The following ZC3H12B variants were observed in gnomAD, a reference collection of about 807,000 sequenced individuals.
ZC3H12B encodes probable ribonuclease ZC3H12B.
Under a neutral mutation model 43.9 loss-of-function variants are expected in ZC3H12B, and 7 were observed. The observed-to-expected ratio is 0.16, with a 90% CI of 0.09 to 0.30. The LOEUF is 0.30. Among genes scored for constraint, ZC3H12B ranks in the 10% least tolerant of loss-of-function variants. The pLI, the probability that ZC3H12B is intolerant of heterozygous loss-of-function variation, is 1.00. For synonymous variants in ZC3H12B, 222 were observed against 241.7 expected (o/e 0.92, Z 0.76); for missense variants, 475 against 670.2 (o/e 0.71, Z 3.22).
At chrX:65,212,370 C>T in the ZC3H12B span, among the ~76,000 whole-genome samples, 233 of 35,455 alleles carry the variant, frequency 6.6e-3, 5 homozygotes, top group African/African-American at 0.026. Flanking sequence ...ATTTATATTA[C>T]ATATTGTATA....
chrX:65,326,209 A>G, the ZC3H12B span, among the ~76,000 whole-genome samples: 1 of 112,064 alleles, frequency 8.9e-6, no homozygotes, highest in Admixed American at 9.5e-5. Context: ...AAAGGAAACA[A>G]ATGGTACAGT....
At chrX:65,435,668 A>AGATAGAT (rs2067212067) in intron 3 of ZC3H12B, among the ~76,000 whole-genome samples, 1 of 109,899 alleles carries the variant, frequency 9.1e-6, no homozygotes, top group South Asian at 3.9e-4. Flanking sequence ...ATAGATAGAT[A>AGATAGAT]GATAGATAGA....
the ZC3H12B span, among the ~76,000 whole-genome samples, chrX:65,131,900 G>A: frequency 9.0e-6 from 1 of 111,364 alleles, no homozygotes; most frequent in African/African-American, 3.3e-5. Flanking sequence ...ATTCAAAGGA[G>A]GGTCTATAAA....
At chrX:65,458,089 A>T (rs867703343) in intron 3 of ZC3H12B, among the ~76,000 whole-genome samples, 4 of 88,943 alleles carry the variant, frequency 4.5e-5, no homozygotes, top group African/African-American at 2.6e-4. Context: ...AAAAATTAAA[A>T]AAAAAAAAAA....
the ZC3H12B span, among the ~76,000 whole-genome samples, chrX:65,110,892 CT>C: frequency 9.0e-6 from 1 of 111,176 alleles, no homozygotes; most frequent in Non-Finnish European, 1.9e-5. Flanking sequence ...TAGATCTCCC[CT>C]AATACTTTTT....
chrX:65,412,827 TTC>T (rs1375746563), intron 3 of ZC3H12B, among the ~76,000 whole-genome samples: 2 of 99,617 alleles, frequency 2.0e-5, no homozygotes, highest in South Asian at 3.7e-4. Context: ...TTTATGTAAA[TTC>T]TGTTTTGTTT....
At chrX:65,374,063 A>AG (rs1196369305) in intron 2 of ZC3H12B, among the ~76,000 whole-genome samples, 1 of 59,628 alleles carries the variant, frequency 1.7e-5, no homozygotes, top group African/African-American at 1.1e-4. Flanking sequence ...AACTATATAT[A>AG]TACAGTATAT....
At chrX:65,379,104 C>T (rs1357365320) in intron 2 of ZC3H12B, among the ~76,000 whole-genome samples, 4 of 112,124 alleles carry the variant, frequency 3.6e-5, no homozygotes, top group Non-Finnish European at 7.5e-5. Context: ...GTGGAGCCTG[C>T]CACAGCTCAA....
At position 65,475,523 on chromosome X, in the gene ZC3H12B, A is replaced by G. The variant is rs181569917; in HGVS notation, n.408-13123A>G. Among the ~76,000 whole-genome samples the G allele has an allele frequency of 2.7e-5, 3 of 111,060 alleles. No homozygotes were observed. The East Asian group carries it at 8.4e-4, about 31-fold the overall frequency. On this transcript the variant is annotated intron_variant and non_coding_transcript_variant, in intron 3 of 5. Coordinates refer to the ZC3H12B transcript ENST00000617377. ...GATTTCTGTTGAGAAATCCACTGATAGTCTTACAAGGATCCCTTACATGCA... is the reference window on the plus strand; with the variant it reads ...GATTTCTGTTGAGAAATCCACTGATGGTCTTACAAGGATCCCTTACATGCA...
At chrX:65,489,108 G>C in exon 1 of ZC3H12B, 1 of 1,211,923 alleles carries the variant, frequency 8.3e-7, no homozygotes, top group Non-Finnish European at 1.1e-6. Context: ...TGGTAAACTT[G>C]ACTTGGAGAA....
At chrX:65,489,781 A>G (rs1435953675) in intron 1 of ZC3H12B, among the ~76,000 whole-genome samples, 1 of 111,541 alleles carries the variant, frequency 9.0e-6, no homozygotes, top group African/African-American at 3.3e-5. Flanking sequence ...GTAACTCTCA[A>G]CTGTTATTAT....
the ZC3H12B span, among the ~76,000 whole-genome samples, chrX:65,197,471 T>G: frequency 8.9e-6 from 1 of 112,184 alleles, no homozygotes; most frequent in African/African-American, 3.2e-5. Context: ...CAAATTCAAT[T>G]TAAGTAAAAC....
At chrX:65,209,528 A>T in the ZC3H12B span, among the ~76,000 whole-genome samples, 3 of 101,242 alleles carry the variant, frequency 3.0e-5, no homozygotes, top group South Asian at 1.5e-3. Context: ...GTTTGATTGC[A>T]CTGTGGTCTG....
the ZC3H12B span, among the ~76,000 whole-genome samples, chrX:65,170,394 G>A: frequency 4.5e-5 from 5 of 111,916 alleles, no homozygotes; most frequent in Admixed American, 9.5e-5. Context: ...AGTTTCTGCC[G>A]AGAGATCTGC....
chrX:65,424,921 T>C (rs925479039), intron 3 of ZC3H12B, among the ~76,000 whole-genome samples: 3 of 112,018 alleles, frequency 2.7e-5, no homozygotes, highest in African/African-American at 9.7e-5. Context: ...TTTGTTCTTT[T>C]TTCTTATGAT....
At chrX:65,197,155 C>T in the ZC3H12B span, among the ~76,000 whole-genome samples, 2 of 112,077 alleles carry the variant, frequency 1.8e-5, no homozygotes, top group African/African-American at 6.5e-5. Context: ...CAAAGTCCAC[C>T]CCAGCAGAGG....
chrX:65,255,388 G>T, the ZC3H12B span, among the ~76,000 whole-genome samples: 1 of 111,703 alleles, frequency 9.0e-6, no homozygotes, highest in Non-Finnish European at 1.9e-5. Flanking sequence ...AGAAGAAATT[G>T]AGGGCCTATA....
At chrX:65,205,666 G>A in the ZC3H12B span, among the ~76,000 whole-genome samples, 2 of 111,558 alleles carry the variant, frequency 1.8e-5, no homozygotes, top group African/African-American at 3.3e-5. Context: ...AGTACTGGAA[G>A]TTCTAGCCAG....
the ZC3H12B span, among the ~76,000 whole-genome samples, chrX:65,137,897 C>T: frequency 8.9e-6 from 1 of 112,492 alleles, no homozygotes; most frequent in Non-Finnish European, 1.9e-5. Flanking sequence ...GGCATGATCT[C>T]GGCCCACTGC....
Sources: allele counts gnomAD v4.1 joint callset (sites outside exome capture counted in the v4.1 genomes callset), GRCh38; gene constraint gnomAD v4.1.1; transcripts MANE v1.5; gene names NCBI Gene and HGNC (gene_info 2026-07-23, HGNC 2026-07-21).